ETV6: variants seen among roughly 807,000 people sequenced by gnomAD.
ETV6 encodes the protein ETS variant transcription factor 6.
ETV6 carries 16 observed loss-of-function variants against 51.1 expected under a neutral mutation model. The ratio of observed to expected loss-of-function variants is 0.31; its 90% CI spans 0.21 to 0.48. The LOEUF (loss-of-function observed/expected upper bound fraction) is 0.48. Ranked by LOEUF, ETV6 falls within the 20% of genes least tolerant of loss-of-function variation. ETV6 has a pLI of 0.99. For synonymous variants in ETV6, 240 were observed against 224.1 expected (o/e 1.07, Z -0.64); for missense variants, 458 against 594.8 (o/e 0.77, Z 2.39).
Position 11,891,843 on chromosome 12 carries a change from G to A in ETV6, c.*797G>A, listed in dbSNP as rs1591755836. ...AATCAAACCCGCATCCCAGCATTGG[G>A]CCACCCATCTGAGGGAGGCCAAAAT... is the stretch of plus-strand genomic sequence containing the variant. On this transcript the variant is annotated 3_prime_UTR_variant, in exon 8 of 8. Coordinates refer to ENST00000396373, the MANE Select transcript of ETV6 (RefSeq NM_001987.5). The A allele has an allele frequency of 6.2e-6, 2 of 322,794 alleles. No individual in the cohort carries two copies. The highest frequency in any genetic ancestry group is 8.4e-5 in the Admixed American group (2 of 23,892). 20.0% of individuals were successfully genotyped at this position (322,794 alleles called of 1,614,324 possible).
At chr12:11,712,805 C>G (rs910636525) in intron 1 of ETV6, among the ~76,000 whole-genome samples, 3 of 152,182 alleles carry the variant, frequency 2.0e-5, no homozygotes, top group Admixed American at 6.5e-5. Flanking sequence ...ATCGGTGCCA[C>G]GTCCTAGTCA....
intron 4 of ETV6, among the ~76,000 whole-genome samples, chr12:11,865,497 T>G (rs1181099611): frequency 1.3e-5 from 2 of 151,162 alleles, no homozygotes; most frequent in Non-Finnish European, 2.9e-5. Flanking sequence ...GGTTCCCATC[T>G]GCAACCTTCT....
At chr12:11,830,735 A>G (rs1253414416) in intron 2 of ETV6, among the ~76,000 whole-genome samples, 1 of 152,182 alleles carries the variant, frequency 6.6e-6, no homozygotes, top group African/African-American at 2.4e-5. Flanking sequence ...TCACTGCAAA[A>G]TCCCCTTCAG....
chr12:11,836,684 T>C (rs1355402903), intron 2 of ETV6, among the ~76,000 whole-genome samples: 1 of 152,110 alleles, frequency 6.6e-6, no homozygotes. Flanking sequence ...ACTACTTGCA[T>C]CCCCCACCCC....
chr12:11,834,493 A>G lies in ETV6; in HGVS notation c.164-4647A>G, dbSNP rs77029915. Among the ~76,000 whole-genome samples, 452 of 152,334 alleles carry G rather than the reference A, an allele frequency of 3.0e-3. 4 individuals carry two copies. The highest frequency in any genetic ancestry group is 6.8e-3 in the Middle Eastern group (2 of 294). ...ACCTGATGACTAAGCCCTGTTTTCT[A>G]TTAAACTGAAAAGAGAATGCAACAG... is the stretch of plus-strand genomic sequence containing the variant. On this transcript the variant is annotated intron_variant, in intron 2 of 7. Coordinates refer to ENST00000396373, the MANE Select transcript of ETV6 (RefSeq NM_001987.5).
At chr12:11,749,346 CA>C (rs1865976020) in intron 1 of ETV6, among the ~76,000 whole-genome samples, 10 of 127,068 alleles carry the variant, frequency 7.9e-5, no homozygotes, top group East Asian at 2.5e-4. Flanking sequence ...CACACACACA[CA>C]CACCCCTACT....
intron 1 of ETV6, among the ~76,000 whole-genome samples, chr12:11,671,609 T>C (rs1427560455): frequency 6.6e-6 from 1 of 152,226 alleles, no homozygotes; most frequent in Non-Finnish European, 1.5e-5. Flanking sequence ...ATCTAATATG[T>C]ATCAATAAAA....
intron 3 of ETV6, among the ~76,000 whole-genome samples, chr12:11,851,310 A>G (rs1946550167): frequency 1.3e-5 from 2 of 152,060 alleles, no homozygotes; most frequent in African/African-American, 4.8e-5. Context: ...GCATACTACC[A>G]AAAAAACCAG....
intron 4 of ETV6, among the ~76,000 whole-genome samples, chr12:11,867,179 A>G (rs970226245): frequency 3.3e-5 from 5 of 152,100 alleles, no homozygotes; most frequent in Admixed American, 1.3e-4. Flanking sequence ...TTTCATTTCT[A>G]CCCGTAAGAA....
At chr12:11,797,118 G>A (rs1166532196) in intron 2 of ETV6, among the ~76,000 whole-genome samples, 1 of 152,010 alleles carries the variant, frequency 6.6e-6, no homozygotes, top group Non-Finnish European at 1.5e-5. Context: ...ATAATTTGTT[G>A]GTCCTTTACT....
chr12:11,869,326 C>A lies in ETV6; in HGVS notation c.464-98C>A. Reference sequence around the variant, plus strand: ...TGGGGAGAAAGGTCCTTTACACATACCTACACGCTCCTCCATTTACCGCCT... The same window carrying A: ...TGGGGAGAAAGGTCCTTTACACATAACTACACGCTCCTCCATTTACCGCCT... On this transcript the variant is annotated intron_variant, in intron 4 of 7. Coordinates refer to ENST00000396373, the MANE Select transcript of ETV6 (RefSeq NM_001987.5). This position sits in a 1 kb window ranked among gnomAD's most constrained non-coding sequence, Gnocchi z 5.0. The A allele has an allele frequency of 9.6e-7, 1 of 1,045,526 alleles. No homozygotes were observed. Among genetic ancestry groups the A allele is most frequent in the South Asian group, 1.5e-5 (1 of 66,952 alleles). The allele number at this position is 1,045,526 out of a possible 1,614,324, so 64.8% of individuals were successfully genotyped here.
At chr12:11,769,834 T>A (rs558940951) in intron 2 of ETV6, among the ~76,000 whole-genome samples, 2 of 152,164 alleles carry the variant, frequency 1.3e-5, no homozygotes, top group Non-Finnish European at 2.9e-5. Context: ...AGGTAGCTCT[T>A]ATTTGGAATA....
intron 1 of ETV6, among the ~76,000 whole-genome samples, chr12:11,650,716 C>A (rs1348388493): frequency 6.6e-6 from 1 of 151,982 alleles, no homozygotes; most frequent in Middle Eastern, 3.2e-3. Flanking sequence ...GAGAGACAGT[C>A]CTGGTGTCAG....
intron 2 of ETV6, among the ~76,000 whole-genome samples, chr12:11,815,954 T>C (rs1003017544): frequency 6.6e-6 from 1 of 152,192 alleles, no homozygotes; most frequent in Non-Finnish European, 1.5e-5. Context: ...TAATCCTTCC[T>C]GGGATGGCAG....
At chr12:11,794,809 C>G (rs571506542) in intron 2 of ETV6, among the ~76,000 whole-genome samples, 1 of 152,194 alleles carries the variant, frequency 6.6e-6, no homozygotes, top group South Asian at 2.1e-4. Context: ...ATGCAGACAT[C>G]AATGAGATTT....
At chr12:11,787,363 CTT>C (rs1945502742) in intron 2 of ETV6, among the ~76,000 whole-genome samples, 1 of 152,218 alleles carries the variant, frequency 6.6e-6, no homozygotes, top group South Asian at 2.1e-4. Context: ...ATTTCAAAAA[CTT>C]AGTATAAAAA....
At chr12:11,863,482 T>C (rs918922504) in intron 4 of ETV6, among the ~76,000 whole-genome samples, 13 of 152,296 alleles carry the variant, frequency 8.5e-5, no homozygotes, top group Non-Finnish European at 8.8e-5. Flanking sequence ...CTTCCTTCTG[T>C]GCCCACATGG....
chr12:11,704,055 A>C (rs888731338), intron 1 of ETV6, among the ~76,000 whole-genome samples: 1 of 152,234 alleles, frequency 6.6e-6, no homozygotes, highest in African/African-American at 2.4e-5. Flanking sequence ...TTGTGTCTTT[A>C]GTTGAAATTA....
chr12:11,666,326 G>GATCT (rs1330181255), intron 1 of ETV6, among the ~76,000 whole-genome samples: 1 of 152,158 alleles, frequency 6.6e-6, no homozygotes, highest in Non-Finnish European at 1.5e-5. Context: ...CTGAGATGAA[G>GATCT]ATCTCTCTGG....
Sources: gnomAD v4.1 joint callset for allele counts (sites outside exome capture counted in the v4.1 genomes callset) on GRCh38, gnomAD v4.1.1 for gene constraint, Gnocchi (gnomAD v3.1) non-coding constraint, MANE v1.5 for transcripts, NCBI Gene and HGNC (gene_info 2026-07-23, HGNC 2026-07-21) for gene names.